The following NPHP1 variants were observed in gnomAD, a reference collection of about 807,000 sequenced individuals.
NPHP1 encodes the protein nephrocystin 1, also known as nephrocystin-1.
Under a neutral mutation model 90.4 loss-of-function variants are expected in NPHP1, and 70 were observed. That is an observed-to-expected ratio of 0.77 (90% confidence interval 0.64 to 0.95). NPHP1 has a LOEUF of 0.95. Among genes scored for constraint, NPHP1 ranks in the 40% least tolerant of loss-of-function variants. The pLI is 0.00. For synonymous variants in NPHP1, 256 were observed against 271.7 expected (o/e 0.94, Z 0.57); for missense variants, 764 against 795.9 (o/e 0.96, Z 0.48).
chr2:110,160,376 T>C (rs1574118430), intron 10 of NPHP1, 121 bp from the exon 11 acceptor site: 8 of 713,614 alleles, frequency 1.1e-5, no homozygotes, highest in African/African-American at 1.8e-5. Context: ...AATTTACACA[T>C]ATACAATAAA....
intron 18 of NPHP1, chr2:110,126,335 C>A (rs1679366724): frequency 6.5e-6 from 1 of 153,098 alleles, no homozygotes; most frequent in Non-Finnish European, 1.5e-5. Flanking sequence ...AGATATCCTC[C>A]TGTTGGCACC....
intron 16 of NPHP1, among the ~76,000 whole-genome samples, 195 bp from the exon 17 acceptor site, chr2:110,131,986 A>C (rs1471436684): frequency 6.6e-6 from 1 of 152,194 alleles, no homozygotes; most frequent in Non-Finnish European, 1.5e-5. Context: ...ATTTGTTTAC[A>C]CTTTCGAGTC....
intron 6 of NPHP1, among the ~76,000 whole-genome samples, chr2:110,167,526 G>A (rs564130970): frequency 6.6e-6 from 1 of 152,264 alleles, no homozygotes; most frequent in South Asian, 2.1e-4. Flanking sequence ...GGCCCAGAGA[G>A]TGCATGCCAG....
chr2:110,156,359 G>C (rs571219910), intron 11 of NPHP1, among the ~76,000 whole-genome samples: 44 of 152,198 alleles, frequency 2.9e-4, no homozygotes, highest in African/African-American at 1.0e-3. Context: ...TGTGAGATGT[G>C]CCTTTCACCT....
In NPHP1 at chr2:110,168,418, G is replaced by A. The variant is rs768743091; in HGVS notation, c.624+34C>T. ...TTTATTAAAAGCGAAAAAAAAAAAAGTCTTAGAAAAGGAAGGCATAAACCA... is the reference window on the plus strand; with the variant it reads ...TTTATTAAAAGCGAAAAAAAAAAAAATCTTAGAAAAGGAAGGCATAAACCA... On this transcript the variant is annotated intron_variant, in intron 6 of 19. Transcript: ENST00000445609. 12 of 1,251,098 alleles carry A rather than the reference G, an allele frequency of 9.6e-6. No homozygotes were observed. In the Admixed American group the frequency reaches 1.1e-4, roughly 12 times the overall value. 77.5% of individuals were successfully genotyped at this position (1,251,098 alleles called of 1,614,324 possible). A position where few individuals can be genotyped will look rare whatever the true frequency, so the allele number is the denominator to read the frequency against.
intron 2 of NPHP1, among the ~76,000 whole-genome samples, chr2:110,183,387 C>T (rs1684047301): frequency 6.6e-6 from 1 of 152,186 alleles, no homozygotes; most frequent in South Asian, 2.1e-4. Context: ...CTAGCCAGAA[C>T]CTCCCCTTTA....
chr2:110,157,317 G>A (rs1681978904), intron 11 of NPHP1, among the ~76,000 whole-genome samples: 1 of 152,006 alleles, frequency 6.6e-6, no homozygotes, highest in South Asian at 2.1e-4. Flanking sequence ...CAAACCAGAT[G>A]TATGAAACAG....
intron 14 of NPHP1, among the ~76,000 whole-genome samples, chr2:110,145,660 T>C (rs748360112): frequency 2.6e-5 from 4 of 152,176 alleles, no homozygotes; most frequent in East Asian, 1.9e-4. Flanking sequence ...TTTTTCCATA[T>C]ACTAATACAC....
intron 4 of NPHP1, among the ~76,000 whole-genome samples, chr2:110,171,458 A>G (rs1012349701): frequency 4.6e-5 from 7 of 152,162 alleles, no homozygotes; most frequent in Admixed American, 3.3e-4. Flanking sequence ...ATAAAAAGGA[A>G]TATTAGCTGA....
intron 4 of NPHP1, among the ~76,000 whole-genome samples, chr2:110,173,206 T>C (rs1279520941): frequency 6.6e-6 from 1 of 152,094 alleles, no homozygotes; most frequent in Non-Finnish European, 1.5e-5. Context: ...TTCGCCCGCC[T>C]CAGCACAGGC....
chr2:110,140,258 G>A (rs1476985495), intron 16 of NPHP1, among the ~76,000 whole-genome samples: 1 of 152,174 alleles, frequency 6.6e-6, no homozygotes, highest in Non-Finnish European at 1.5e-5. Context: ...AGGGAGGCCA[G>A]GGACAGGTGG....
chr2:110,153,704 G>A (rs558083275), intron 11 of NPHP1, among the ~76,000 whole-genome samples: 49 of 152,134 alleles, frequency 3.2e-4, no homozygotes, highest in African/African-American at 1.0e-3. Context: ...CAAGTGGGGC[G>A]GGTGCGGTAG....
chr2:110,184,641 C>A, intron 2 of NPHP1: 1 of 824,642 alleles, frequency 1.2e-6, no homozygotes. Flanking sequence ...CTTCCTGCAC[C>A]TCTACCTGCA....
chr2:110,192,228 G>A (rs947349348), intron 2 of NPHP1, among the ~76,000 whole-genome samples: 2 of 152,070 alleles, frequency 1.3e-5, no homozygotes, highest in African/African-American at 4.8e-5. Context: ...GAGGAAGTTC[G>A]AACCCGTGGA....
intron 15 of NPHP1, chr2:110,143,910 C>T (rs988845051): frequency 2.4e-6 from 1 of 420,658 alleles, no homozygotes; most frequent in Admixed American, 3.7e-5. Context: ...CATCCCAGAC[C>T]CCAAACTCCT....
intron 14 of NPHP1, among the ~76,000 whole-genome samples, chr2:110,144,913 AATGTGTTAAATC>A (rs1320010751): frequency 4.6e-5 from 7 of 152,120 alleles, no homozygotes; most frequent in Non-Finnish European, 1.5e-5. Flanking sequence ...GTATTTTTCA[AATGTGTTAAATC>A]ATTATTTGAA....
At chr2:110,202,682 G>A (rs1204955679) in intron 1 of NPHP1, among the ~76,000 whole-genome samples, 1 of 152,016 alleles carries the variant, frequency 6.6e-6, no homozygotes, top group Non-Finnish European at 1.5e-5. Flanking sequence ...AACTCATCAT[G>A]ACTAATCATC....
Position 110,161,711 on chromosome 2 carries a change from T to C in NPHP1, c.860-14A>G, listed in dbSNP as rs566434080. 4 of 1,559,180 alleles carry C rather than the reference T, an allele frequency of 2.6e-6. No individual in the cohort carries two copies. Among genetic ancestry groups the C allele is most frequent in the African/African-American group, 2.7e-5 (2 of 73,976 alleles). On this transcript the variant is annotated splice_polypyrimidine_tract_variant and intron_variant, in intron 9 of 19. Coordinates refer to ENST00000445609, the MANE Select transcript of NPHP1 (RefSeq NM_001128178.3). ...GAAATTGATTCCCTGAAAAAATCAT[T>C]TTTTCTTCATTTTCTTACAAAGAAA...
At chr2:110,200,369 G>A (rs1396392824) in intron 2 of NPHP1, among the ~76,000 whole-genome samples, 1 of 152,102 alleles carries the variant, frequency 6.6e-6, no homozygotes, top group South Asian at 2.1e-4. Flanking sequence ...TTCGAAACCA[G>A]CCTGGCCAAC....
Sources: gnomAD v4.1 joint callset for allele counts (sites outside exome capture counted in the v4.1 genomes callset) on GRCh38, gnomAD v4.1.1 for gene constraint, MANE v1.5 for transcripts, NCBI Gene and HGNC (gene_info 2026-07-23, HGNC 2026-07-21) for gene names.